Variants in RBFOX1 observed in about 807,000 individuals in gnomAD.
The protein encoded by RBFOX1 is RNA binding fox-1 homolog 1, also known as RNA binding protein fox-1 homolog 1.
RBFOX1 carries 8 observed loss-of-function variants against 57.7 expected under a neutral mutation model. The observed-to-expected ratio is 0.14, with a 90% confidence interval of 0.08 to 0.25. RBFOX1 has a LOEUF of 0.25. Ranked by LOEUF, RBFOX1 falls within the 10% of genes least tolerant of loss-of-function variation. The pLI is 1.00. For synonymous variants in RBFOX1, 326 were observed against 222.4 expected (o/e 1.47, Z -4.15); for missense variants, 611 against 548.5 (o/e 1.11, Z -1.14).
intron 1 of RBFOX1, among the ~76,000 whole-genome samples, chr16:5,464,959 C>G (rs981244577): frequency 6.6e-6 from 1 of 152,120 alleles, no homozygotes; most frequent in Non-Finnish European, 1.5e-5. Context: ...AGGGCAGAGA[C>G]CCACCTGAGC....
chr16:6,883,514 GT>G (rs2063367023), intron 3 of RBFOX1, among the ~76,000 whole-genome samples: 1 of 152,174 alleles, frequency 6.6e-6, no homozygotes, highest in Admixed American at 6.5e-5. Context: ...CTTATAACTT[GT>G]TGTGTAAAGG....
At chr16:7,160,263 T>A (rs17560329) in intron 4 of RBFOX1, among the ~76,000 whole-genome samples, 42,100 of 151,872 alleles carry the variant, frequency 0.28, 5,873 homozygotes, top group Middle Eastern at 0.33. Flanking sequence ...GATGGCATTG[T>A]TTTCTTCCTG....
chr16:7,201,283 G>A (rs972330658), intron 4 of RBFOX1, among the ~76,000 whole-genome samples: 3 of 152,078 alleles, frequency 2.0e-5, no homozygotes, highest in East Asian at 1.9e-4. Flanking sequence ...GAGAAACAAC[G>A]GAGAGCCAGG....
At chr16:5,797,229 C>G (rs1353418888) in intron 3 of RBFOX1, among the ~76,000 whole-genome samples, 2 of 152,066 alleles carry the variant, frequency 1.3e-5, no homozygotes, top group East Asian at 3.9e-4. Context: ...TATTCTTTAC[C>G]TTTTGGATCT....
At chr16:6,922,322 T>G (rs1159218428) in intron 3 of RBFOX1, among the ~76,000 whole-genome samples, 2 of 152,070 alleles carry the variant, frequency 1.3e-5, no homozygotes, top group Non-Finnish European at 2.9e-5. Flanking sequence ...GTTCCGAGTG[T>G]CCGGTGGTAA....
At chr16:5,463,064 A>C (rs2068841351) in intron 1 of RBFOX1, among the ~76,000 whole-genome samples, 1 of 152,214 alleles carries the variant, frequency 6.6e-6, no homozygotes, top group African/African-American at 2.4e-5. Flanking sequence ...GTATGTATAT[A>C]TACATAGATG....
rs1337972036 is a variant in RBFOX1 at position 6,557,008 on chromosome 16, TATATATAC to T, written c.-63-97587_-63-97580del. ...GTATATATACATACATATATATACA[TATATATAC>T]ATATATATACATATATACACATATA... On this transcript the variant is annotated intron_variant, in intron 2 of 15. Coordinates refer to ENST00000550418, the MANE Select transcript of RBFOX1 (RefSeq NM_018723.4). Among the ~76,000 whole-genome samples the T allele has an allele frequency of 1.9e-3, 266 of 136,448 alleles. 1 individual carries two copies. Among genetic ancestry groups the T allele is most frequent in the Non-Finnish European group, 3.1e-3 (199 of 64,676 alleles). 89.5% of individuals were successfully genotyped at this position (136,448 alleles called of 152,430 possible). A position where few individuals can be genotyped will look rare whatever the true frequency, so the allele number is the denominator to read the frequency against.
intron 1 of RBFOX1, among the ~76,000 whole-genome samples, chr16:5,462,395 C>T (rs641833): frequency 0.036 from 5,473 of 152,108 alleles, 245 homozygotes; most frequent in African/African-American, 0.1. Flanking sequence ...GTCTTGATCT[C>T]CTGACCTCGT....
At chr16:6,040,928 A>G (rs1277270077) in intron 1 of RBFOX1, among the ~76,000 whole-genome samples, 3 of 152,134 alleles carry the variant, frequency 2.0e-5, no homozygotes, top group East Asian at 1.9e-4. Context: ...CATTGTATGT[A>G]TATACCACAG....
intron 4 of RBFOX1, among the ~76,000 whole-genome samples, chr16:7,125,135 TG>T (rs1221985402): frequency 6.6e-6 from 1 of 152,106 alleles, no homozygotes; most frequent in Non-Finnish European, 1.5e-5. Flanking sequence ...CTTTTGCCCT[TG>T]GGAAGAAAGA....
intron 1 of RBFOX1, among the ~76,000 whole-genome samples, chr16:5,431,065 G>A (rs533738771): frequency 1.3e-5 from 2 of 152,304 alleles, no homozygotes; most frequent in East Asian, 3.9e-4. Flanking sequence ...TCTCCGTAGT[G>A]ACATTTTGGG....
At chr16:6,438,883 A>G (rs1004138091) in intron 2 of RBFOX1, among the ~76,000 whole-genome samples, 1 of 152,174 alleles carries the variant, frequency 6.6e-6, no homozygotes, top group Non-Finnish European at 1.5e-5. Flanking sequence ...TTTGTTAGTT[A>G]TCTGCAATAT....
intron 2 of RBFOX1, among the ~76,000 whole-genome samples, chr16:6,533,139 C>T (rs77587967): frequency 1.3e-5 from 2 of 152,128 alleles, no homozygotes; most frequent in South Asian, 2.1e-4. Context: ...CTGTCAACAC[C>T]AGTACAGGAA....
At position 6,380,535 on chromosome 16, in the gene RBFOX1, A is replaced by G. The variant is rs1407943494; in HGVS notation, c.-64+63478A>G. 3.4e-5 allele frequency among the ~76,000 whole-genome samples: 5 copies of G among 148,972 alleles called. No homozygotes were observed. In the Admixed American group the frequency reaches 3.4e-4, roughly 10 times the overall value. On this transcript the variant is annotated intron_variant, in intron 2 of 15. Coordinates refer to ENST00000550418, the MANE Select transcript of RBFOX1 (RefSeq NM_018723.4). Reference sequence around the variant, plus strand: ...CAGCACAGAAAGGAAGGTGAGTTGAAGTTCTGGGGGGAAAATAAATGGCAG... The same window carrying G: ...CAGCACAGAAAGGAAGGTGAGTTGAGGTTCTGGGGGGAAAATAAATGGCAG...
chr16:6,299,552 C>T (rs1464122175), intron 1 of RBFOX1, among the ~76,000 whole-genome samples: 1 of 152,174 alleles, frequency 6.6e-6, no homozygotes, highest in African/African-American at 2.4e-5. Flanking sequence ...TTTACTCTAC[C>T]TTCCCAAGAC....
Position 5,425,713 on chromosome 16 carries a change from C to G in RBFOX1, c.220-41503C>G, listed in dbSNP as rs73522542. 1.7e-3 allele frequency among the ~76,000 whole-genome samples: 263 copies of G among 152,168 alleles called. 3 individuals carry two copies. Among genetic ancestry groups the G allele is most frequent in the African/African-American group, 6.1e-3 (255 of 41,534 alleles). On this transcript the variant is annotated intron_variant, in intron 1 of 2. Coordinates refer to the RBFOX1 transcript ENST00000585867. ...GGGGCAGGGGAGAGTGGCAAGAGGT[C>G]TTTCATGGAGCAAGACCCATGCACC... is the stretch of plus-strand genomic sequence containing the variant.
In RBFOX1 at chr16:7,460,454, TATACATATCTA is replaced by T. The variant is rs200234433; in HGVS notation, c.28-57689_28-57679del. Among the ~76,000 whole-genome samples, 254 of 145,076 alleles carry T rather than the reference TATACATATCTA, an allele frequency of 1.8e-3. 5 individuals are homozygous for T. The highest frequency in any genetic ancestry group is 0.013 in the Admixed American group (185 of 14,234). On this transcript the variant is annotated intron_variant, in intron 4 of 15. Coordinates refer to ENST00000550418, the MANE Select transcript of RBFOX1 (RefSeq NM_018723.4). ...GTGTGTGTATATATGTATGTGTGTA[TATACATATCTA>T]ATATATATCTAATTATGTATGCCTT... is the stretch of plus-strand genomic sequence containing the variant.
chr16:6,840,195 C>T (rs963063747), intron 3 of RBFOX1, among the ~76,000 whole-genome samples: 4 of 152,182 alleles, frequency 2.6e-5, no homozygotes, highest in Admixed American at 6.5e-5. Context: ...CCATAAATCA[C>T]TGGAAATTCT....
At chr16:6,620,052 T>C (rs1017186105) in intron 2 of RBFOX1, among the ~76,000 whole-genome samples, 2 of 152,228 alleles carry the variant, frequency 1.3e-5, no homozygotes, top group African/African-American at 4.8e-5. Flanking sequence ...TTCTTTCTTA[T>C]GGCTGCATAG....
Sources: gnomAD v4.1 joint callset for allele counts (sites outside exome capture counted in the v4.1 genomes callset) on GRCh38, gnomAD v4.1.1 for gene constraint, MANE v1.5 for transcripts, NCBI Gene and HGNC (gene_info 2026-07-23, HGNC 2026-07-21) for gene names.